The following PTPN4 variants were observed in gnomAD, a reference collection of about 807,000 sequenced individuals.
PTPN4 encodes the protein tyrosine-protein phosphatase non-receptor type 4.
A neutral mutation model predicts 135.5 loss-of-function variants in PTPN4; 49 were observed. That is an observed-to-expected ratio of 0.36 (90% CI 0.29 to 0.46). The LOEUF (loss-of-function observed/expected upper bound fraction) is 0.46, where lower values mean the gene tolerates loss of function less well. Ranked by LOEUF, PTPN4 falls within the 20% of genes least tolerant of loss-of-function variation. The pLI is 1.00. For synonymous variants in PTPN4, 333 were observed against 369.9 expected (o/e 0.90, Z 1.14); for missense variants, 860 against 1,101.0 (o/e 0.78, Z 3.10).
intron 2 of PTPN4, among the ~76,000 whole-genome samples, chr2:119,841,506 A>G (rs1677380411): frequency 6.6e-6 from 1 of 152,186 alleles, no homozygotes; most frequent in Non-Finnish European, 1.5e-5. Context: ...CAGATATTCC[A>G]TTGAATGCAT....
intron 2 of PTPN4, among the ~76,000 whole-genome samples, chr2:119,841,733 A>T (rs961216478): frequency 6.6e-6 from 1 of 152,160 alleles, no homozygotes; most frequent in African/African-American, 2.4e-5. Flanking sequence ...TCCCATGCTC[A>T]TTACTCAGCA....
In PTPN4 at chr2:119,984,368, T is replaced by C. The variant is rs1679735129; in HGVS notation, c.*7298T>C. Among the ~76,000 whole-genome samples, 2 of 152,210 alleles carry C rather than the reference T, an allele frequency of 1.3e-5. No individual in the cohort carries two copies. Among genetic ancestry groups the C allele is most frequent in the Admixed American group, 6.5e-5 (1 of 15,268 alleles). On this transcript the variant is annotated 3_prime_UTR_variant, in exon 27 of 27. Transcript: ENST00000263708. Reference sequence around the variant, plus strand: ...GTCACTTAGTTAAAAGTCTAGCTTATGTCATAATTAAGATACAATTATTCA... The same window carrying C: ...GTCACTTAGTTAAAAGTCTAGCTTACGTCATAATTAAGATACAATTATTCA...
Position 119,945,303 on chromosome 2 carries a change from C to G in PTPN4, c.1515+63C>G, listed in dbSNP as rs192798840. The G allele has an allele frequency of 1.1e-4, 154 of 1,427,278 alleles. 1 individual carries two copies. In the African/African-American group the frequency reaches 2.1e-3, roughly 19 times the overall value. 88.4% of individuals were successfully genotyped at this position (1,427,278 alleles called of 1,614,324 possible). ...ATTTTTAAAATCCTAAATGAAATTTCTTTTGTACTTTGGCAGTTTTTAGTT... is the reference window on the plus strand; with the variant it reads ...ATTTTTAAAATCCTAAATGAAATTTGTTTTGTACTTTGGCAGTTTTTAGTT... On this transcript the variant is annotated intron_variant, in intron 16 of 26. Coordinates refer to ENST00000263708, the MANE Select transcript of PTPN4 (RefSeq NM_002830.4).
At chr2:119,930,524 A>G (rs913057250) in intron 13 of PTPN4, among the ~76,000 whole-genome samples, 20 of 152,306 alleles carry the variant, frequency 1.3e-4, no homozygotes, top group East Asian at 1.2e-3. Context: ...ATACATTTAG[A>G]TACAGAAACA....
At chr2:119,769,343 G>T (rs148353256) in intron 1 of PTPN4, among the ~76,000 whole-genome samples, 1 of 152,206 alleles carries the variant, frequency 6.6e-6, no homozygotes, top group South Asian at 2.1e-4. Context: ...TTTCCAGTGT[G>T]TTCAGGCGAG....
chr2:119,946,737 A>G (rs1679140329), intron 18 of PTPN4, 163 bp downstream of exon 18: 1 of 585,424 alleles, frequency 1.7e-6, no homozygotes, highest in Admixed American at 3.6e-5. Context: ...GTTAGTTTTG[A>G]CTTGTTCTCT....
At chr2:119,957,470 G>A (rs1056397858) in intron 22 of PTPN4, among the ~76,000 whole-genome samples, 1 of 151,928 alleles carries the variant, frequency 6.6e-6, no homozygotes, top group Non-Finnish European at 1.5e-5. Context: ...GATGATCTGT[G>A]GTGGAACAGT....
At chr2:119,896,865 A>G (rs1194521536) in intron 9 of PTPN4, among the ~76,000 whole-genome samples, 1 of 152,134 alleles carries the variant, frequency 6.6e-6, no homozygotes, top group Non-Finnish European at 1.5e-5. Flanking sequence ...TATTCTCCTT[A>G]TTAAAGCTCA....
chr2:119,789,939 G>T (rs1272320212), intron 1 of PTPN4, among the ~76,000 whole-genome samples: 2 of 151,908 alleles, frequency 1.3e-5, no homozygotes, highest in Non-Finnish European at 2.9e-5. Context: ...TGTTGGCCAG[G>T]CTAGTCTTGA....
chr2:119,805,303 G>C (rs1455523838), intron 1 of PTPN4, among the ~76,000 whole-genome samples: 1 of 152,106 alleles, frequency 6.6e-6, no homozygotes, highest in Admixed American at 6.5e-5. Flanking sequence ...GATCTCATTT[G>C]TCTATTTTGT....
chr2:119,889,233 C>T (rs369437942), intron 9 of PTPN4, among the ~76,000 whole-genome samples: 5 of 152,168 alleles, frequency 3.3e-5, no homozygotes, highest in East Asian at 3.9e-4. Flanking sequence ...TCCTGGCTAA[C>T]GCGGTGAAAC....
intron 25 of PTPN4, among the ~76,000 whole-genome samples, chr2:119,967,173 C>T (rs969919332): frequency 1.4e-4 from 21 of 152,168 alleles, no homozygotes; most frequent in African/African-American, 3.9e-4. Context: ...AGACCGGGAG[C>T]GGTGGCCCAT....
At chr2:119,874,342 T>C (rs1677954891) in intron 3 of PTPN4, among the ~76,000 whole-genome samples, 1 of 152,158 alleles carries the variant, frequency 6.6e-6, no homozygotes, top group African/African-American at 2.4e-5. Context: ...CCCAAGAGAA[T>C]TGAAGACATG....
intron 10 of PTPN4, among the ~76,000 whole-genome samples, chr2:119,912,685 T>C (rs190879511): frequency 1.9e-4 from 29 of 152,338 alleles, no homozygotes; most frequent in East Asian, 1.9e-4. Flanking sequence ...GATATTCATA[T>C]TGAAAACATC....
chr2:119,861,246 G>C (rs923498759), intron 2 of PTPN4, among the ~76,000 whole-genome samples: 3 of 152,050 alleles, frequency 2.0e-5, no homozygotes, highest in Non-Finnish European at 4.4e-5. Flanking sequence ...TACTGTGATA[G>C]TGAGAACTCA....
In PTPN4 at chr2:119,983,980, C is replaced by T. The variant is rs1287690525; in HGVS notation, c.*6910C>T. On this transcript the variant is annotated 3_prime_UTR_variant, in exon 27 of 27. Coordinates refer to ENST00000263708, the MANE Select transcript of PTPN4 (RefSeq NM_002830.4). ...AAGTAAGTTTAAGGGAATAAAAGTCCCGACACTTTATATACATGTTGAGGG... is the reference window on the plus strand; with the variant it reads ...AAGTAAGTTTAAGGGAATAAAAGTCTCGACACTTTATATACATGTTGAGGG... Among the ~76,000 whole-genome samples, 4 of 151,972 alleles carry T rather than the reference C, an allele frequency of 2.6e-5. No individual in the cohort carries two copies.
At chr2:119,965,437 T>C (rs1679432467) in intron 24 of PTPN4, 60 bp from the exon 25 acceptor site, 2 of 1,476,316 alleles carry the variant, frequency 1.4e-6, no homozygotes, top group South Asian at 2.6e-5. Context: ...TTTATGAGGT[T>C]TGTAGGGACA....
At chr2:119,877,299 C>A in intron 3 of PTPN4, 24 bp from the exon 4 acceptor site, 1 of 1,599,168 alleles carries the variant, frequency 6.3e-7, no homozygotes, top group South Asian at 1.1e-5. Flanking sequence ...AAAAAGAAAT[C>A]AGTTTTATTT....
intron 3 of PTPN4, among the ~76,000 whole-genome samples, chr2:119,871,103 G>C (rs1271583432): frequency 6.7e-6 from 1 of 149,874 alleles, no homozygotes; most frequent in Non-Finnish European, 1.5e-5. Flanking sequence ...AATAACAAAC[G>C]TGACAAGATA....
Sources: allele counts gnomAD v4.1 joint callset (sites outside exome capture counted in the v4.1 genomes callset), GRCh38; gene constraint gnomAD v4.1.1; transcripts MANE v1.5; gene names NCBI Gene and HGNC (gene_info 2026-07-23, HGNC 2026-07-21).